Variants in XG observed in about 807,000 individuals in gnomAD.
The protein encoded by XG is Xg glycoprotein (Xg blood group).
XG carries 24 observed loss-of-function variants against 25.7 expected under a neutral mutation model. The ratio of observed to expected loss-of-function variants is 0.93; its 90% CI spans 0.68 to 1.31. The LOEUF (loss-of-function observed/expected upper bound fraction) is 1.31, where lower values mean the gene tolerates loss of function less well. Among genes scored for constraint, XG ranks in the 40% most tolerant of loss-of-function variants. The pLI is 0.00. For synonymous variants in XG, 77 were observed against 69.2 expected, an observed-to-expected ratio of 1.11 and a Z score of -0.56; for missense variants, 181 against 187.6, an observed-to-expected ratio of 0.96 and a Z score of 0.21.
At chrX:2,774,102 G>A (rs952180697) in intron 2 of XG, among the ~76,000 whole-genome samples, 2 of 151,954 alleles carry the variant, frequency 1.3e-5, no homozygotes, top group Non-Finnish European at 2.9e-5. Context: ...CCTCTGTTTG[G>A]AAGAAGTCTG....
intron 4 of XG, 151 bp downstream of exon 4, chrX:2,782,279 C>T (rs1255197416): frequency 1.6e-6 from 1 of 618,510 alleles, no homozygotes; most frequent in Admixed American, 3.1e-5. Flanking sequence ...CTGGGGGGAG[C>T]AAGAAAGTCC....
rs142418130 is a variant in XG, at chrX:2,759,656, G to C, written c.61+7321G>C. Among the ~76,000 whole-genome samples, 1,431 of 152,274 alleles carry C rather than the reference G, an allele frequency of 9.4e-3. 22 individuals are homozygous for C. Among genetic ancestry groups the C allele is most frequent in the African/African-American group, 0.033 (1,368 of 41,548 alleles). ...ATCTGGCAAATATTGGAGCCAATTA[G>C]CAGACAAGCACGGAGTCCAAGAAAT... On this transcript the variant is annotated intron_variant, in intron 1 of 10. Coordinates refer to ENST00000644266, the MANE Select transcript of XG (RefSeq NM_001141919.2).
In XG at chrX:2,794,580, G is replaced by A; in HGVS notation, c.299G>A (p.Arg100Lys). 2.5e-6 allele frequency: 3 copies of A among 1,211,786 alleles called. 1 individual carries two copies. In the South Asian group the frequency reaches 5.3e-5, roughly 21 times the overall value. Residue 100 changes from arginine to lysine, a missense_variant, in exon 6 of 11, where the codon AGG becomes AAG. Coordinates refer to ENST00000644266, the MANE Select transcript of XG (RefSeq NM_001141919.2). ...CGTGATGACGGACGCTACCCGCCCA[G>A]GCCCAGGCCACGGCCGCCTGCAGGT... The part of the protein sequence containing the change: ...VDRDDGRYPP[R>K]PRPRPPAGGG...
intron 5 of XG, among the ~76,000 whole-genome samples, chrX:2,791,286 T>C (rs1194548432): frequency 9.0e-6 from 1 of 111,436 alleles, no homozygotes; most frequent in Non-Finnish European, 1.9e-5. Flanking sequence ...TAAGATACAC[T>C]GGGTGTCTTC....
chrX:2,791,710 C>A (rs2086839413), intron 5 of XG, among the ~76,000 whole-genome samples: 1 of 110,298 alleles, frequency 9.1e-6, no homozygotes, highest in African/African-American at 3.3e-5. Flanking sequence ...TCATTCACTG[C>A]TGCATTCCCT....
intron 3 of XG, among the ~76,000 whole-genome samples, chrX:2,775,933 G>A (rs1227649186): frequency 2.1e-5 from 3 of 142,096 alleles, no homozygotes; most frequent in African/African-American, 8.0e-5. Flanking sequence ...TCCAACCTGG[G>A]TGACAGAGTG....
intron 9 of XG, among the ~76,000 whole-genome samples, chrX:2,810,938 A>G (rs1603458026): frequency 9.2e-6 from 1 of 109,075 alleles, no homozygotes; most frequent in East Asian, 2.9e-4. Flanking sequence ...GAAATAAATA[A>G]ATAAATAAAT....
At chrX:2,787,286 G>A (rs2086793833) in intron 4 of XG, among the ~76,000 whole-genome samples, 2 of 111,347 alleles carry the variant, frequency 1.8e-5, no homozygotes, top group Admixed American at 1.9e-4. Flanking sequence ...CACACACAGA[G>A]GGACGACCCT....
chrX:2,772,958 C>G (rs982414055), intron 2 of XG, among the ~76,000 whole-genome samples: 7 of 151,764 alleles, frequency 4.6e-5, no homozygotes, highest in African/African-American at 1.5e-4. Flanking sequence ...GGGGAATTCA[C>G]TTTTCACTGT....
chrX:2,778,884 G>C (rs886744190), intron 3 of XG, among the ~76,000 whole-genome samples: 3 of 150,816 alleles, frequency 2.0e-5, no homozygotes, highest in African/African-American at 7.3e-5. Context: ...AGTAATTCTC[G>C]TGCCTCAGCT....
intron 9 of XG, among the ~76,000 whole-genome samples, chrX:2,810,911 G>A (rs5982864): frequency 0.015 from 1,474 of 96,860 alleles, 25 homozygotes; most frequent in African/African-American, 0.055. Flanking sequence ...GCAACATTCC[G>A]TCTCAAAAAA....
At chrX:2,783,873 G>T (rs1407320162) in intron 4 of XG, among the ~76,000 whole-genome samples, 2 of 111,813 alleles carry the variant, frequency 1.8e-5, no homozygotes, top group African/African-American at 6.5e-5. Flanking sequence ...TACTTGGGAG[G>T]CTAAGACACG....
chrX:2,789,749 ATTTT>A, intron 5 of XG, 43 bp downstream of exon 5: 1 of 720,383 alleles, frequency 1.4e-6, no homozygotes, highest in East Asian at 4.5e-5. Context: ...ATTTTATTTT[ATTTT>A]ATTTTACTAT....
intron 1 of XG, among the ~76,000 whole-genome samples, chrX:2,764,239 T>C (rs1157385644): frequency 2.0e-5 from 3 of 152,198 alleles, no homozygotes; most frequent in Non-Finnish European, 4.4e-5. Flanking sequence ...CCACTCCTTG[T>C]TTAGCATATC....
At chrX:2,805,599 C>A (rs1309657094) in intron 7 of XG, among the ~76,000 whole-genome samples, 5 of 101,547 alleles carry the variant, frequency 4.9e-5, no homozygotes, top group African/African-American at 1.8e-4. Context: ...ATTCTCTCAC[C>A]GTCCTAGAGG....
chrX:2,808,162 C>T (rs2087021669), intron 8 of XG, 23 bp from the exon 9 acceptor site: 6 of 1,210,108 alleles, frequency 5.0e-6, no homozygotes, highest in Non-Finnish European at 6.7e-6. Context: ...TGAATAAACA[C>T]GAACATCCTT....
chrX:2,757,611 T>A (rs1350368307), intron 1 of XG, among the ~76,000 whole-genome samples: 7 of 151,998 alleles, frequency 4.6e-5, no homozygotes, highest in Non-Finnish European at 2.9e-5. Flanking sequence ...TTGTGCCAAG[T>A]ATTTTTCATT....
At chrX:2,766,557 CTTT>C (rs1177391752) in intron 1 of XG, among the ~76,000 whole-genome samples, 1,429 of 90,102 alleles carry the variant, frequency 0.016, 38 homozygotes, top group African/African-American at 0.06. Flanking sequence ...CTTATGGCCA[CTTT>C]TTTTTTTTTT....
chrX:2,766,150 C>CTT (rs201273239), intron 1 of XG, among the ~76,000 whole-genome samples: 23 of 151,484 alleles, frequency 1.5e-4, no homozygotes, highest in Middle Eastern at 3.4e-3. Context: ...CTCTCTCTCT[C>CTT]TTTTTTTTTG....
Sources: gnomAD v4.1 joint callset for allele counts (sites outside exome capture counted in the v4.1 genomes callset) on GRCh38, gnomAD v4.1.1 for gene constraint, MANE v1.5 for transcripts, NCBI Gene and HGNC (gene_info 2026-07-23, HGNC 2026-07-21) for gene names.